RSAD2: variants seen among roughly 807,000 people sequenced by gnomAD.
The protein encoded by RSAD2 is radical S-adenosyl methionine domain containing 2.
RSAD2 carries 38 observed loss-of-function variants against 37.7 expected under a neutral mutation model. The ratio of observed to expected loss-of-function variants is 1.01; its 90% CI spans 0.78 to 1.32. RSAD2 has a LOEUF of 1.32. RSAD2 is among the 40% of genes most tolerant of loss of function. The pLI, the probability that RSAD2 is intolerant of heterozygous loss-of-function variation, is 0.00. For missense variants in RSAD2, 428 were observed against 437.5 expected, an observed-to-expected ratio of 0.98 and a Z score of 0.19; for synonymous variants, 163 against 157.4, an observed-to-expected ratio of 1.04 and a Z score of -0.27.
chr2:6,874,035 C>G (rs1163605779), upstream of RSAD2, among the ~76,000 whole-genome samples: 1 of 152,164 alleles, frequency 6.6e-6, no homozygotes, highest in Non-Finnish European at 1.5e-5. Flanking sequence ...GGAGCAGGTC[C>G]TCATGAATGG....
chr2:6,878,393 T>C (rs938700344), intron 1 of RSAD2, among the ~76,000 whole-genome samples: 1 of 152,200 alleles, frequency 6.6e-6, no homozygotes, highest in Non-Finnish European at 1.5e-5. Context: ...AACCTGTCCC[T>C]CCTGCCATTT....
chr2:6,891,793 T>C (rs1297011056), intron 4 of RSAD2, among the ~76,000 whole-genome samples: 1 of 149,762 alleles, frequency 6.7e-6, no homozygotes. Context: ...AAAAGAATAA[T>C]ACCAAAAAAA....
In RSAD2 at chr2:6,897,658, A is replaced by G. The variant is rs970779562; in HGVS notation, c.*1716A>G. ...TTGTGTCTAAGCTATGATGACCTTC[A>G]TATAATCAGCATAAACATAAAACAA... On this transcript the variant is annotated 3_prime_UTR_variant, in exon 6 of 6. Transcript: ENST00000382040. The G allele has an allele frequency of 8.5e-5, 13 of 152,320 alleles. No homozygotes were observed. The highest frequency in any genetic ancestry group is 2.6e-4 in the Admixed American group (4 of 15,304). 9.4% of individuals were successfully genotyped at this position (152,320 alleles called of 1,614,324 possible). A position where few individuals can be genotyped will look rare whatever the true frequency, so the allele number is the denominator to read the frequency against.
chr2:6,890,208 T>C lies in RSAD2; in HGVS notation c.771T>C (p.Asn257=). The part of the protein sequence containing the change: ...VFQCLLIEGE[N]CGEDALREAE... Reference sequence around the variant, plus strand: ...AGTGCCTCTTAATTGAGGGTGAGAATTGTGGAGAAGATGCTCTAAGAGAAG... The same window carrying C: ...AGTGCCTCTTAATTGAGGGTGAGAACTGTGGAGAAGATGCTCTAAGAGAAG... The change falls in exon 4 of 6, where the codon AAT becomes AAC. Residue 257 remains asparagine (N), a synonymous_variant. Transcript: ENST00000382040. 6.2e-7 allele frequency: 1 copy of C among 1,614,122 alleles called. No individual in the cohort carries two copies. The highest frequency in any genetic ancestry group is 8.5e-7 in the Non-Finnish European group (1 of 1,180,006).
At chr2:6,884,766 A>G (rs1337124937) in intron 2 of RSAD2, among the ~76,000 whole-genome samples, 1 of 152,244 alleles carries the variant, frequency 6.6e-6, no homozygotes, top group Non-Finnish European at 1.5e-5. Context: ...CCATATTCCT[A>G]TAGTGCATGA....
intron 3 of RSAD2, among the ~76,000 whole-genome samples, chr2:6,888,836 A>G (rs1009649629): frequency 2.0e-5 from 3 of 152,140 alleles, no homozygotes; most frequent in African/African-American, 7.2e-5. Flanking sequence ...CTTACATTGC[A>G]CTCAGAACCT....
At chr2:6,891,857 A>G (rs1422624308) in intron 4 of RSAD2, among the ~76,000 whole-genome samples, 1 of 152,214 alleles carries the variant, frequency 6.6e-6, no homozygotes, top group Non-Finnish European at 1.5e-5. Context: ...CTGTAGGTTC[A>G]CAGAATGAAA....
At chr2:6,889,818 T>C (rs1663594654) in intron 3 of RSAD2, among the ~76,000 whole-genome samples, 1 of 152,240 alleles carries the variant, frequency 6.6e-6, no homozygotes, top group African/African-American at 2.4e-5. Context: ...ACAATGTTTT[T>C]AAAATGTGTT....
intron 4 of RSAD2, among the ~76,000 whole-genome samples, chr2:6,891,111 A>G (rs7582107): frequency 6.6e-6 from 1 of 152,142 alleles, no homozygotes; most frequent in Non-Finnish European, 1.5e-5. Context: ...ATAAAGTATT[A>G]TATATAAAGT....
intron 1 of RSAD2, among the ~76,000 whole-genome samples, chr2:6,880,278 G>GA (rs889607244): frequency 4.6e-5 from 7 of 151,908 alleles, no homozygotes; most frequent in African/African-American, 9.7e-5. Context: ...TTATTTTAGA[G>GA]AAAAAAAACC....
At chr2:6,876,441 C>G (rs1180512822), upstream of RSAD2, among the ~76,000 whole-genome samples, 1 of 152,082 alleles carries the variant, frequency 6.6e-6, no homozygotes, top group East Asian at 1.9e-4. Flanking sequence ...CCAAGTTAAC[C>G]CAAAAGAATT....
chr2:6,881,774 G>A lies in RSAD2; in HGVS notation c.347-1597G>A, dbSNP rs941693204. Reference sequence around the variant, plus strand: ...GAATGCAGGCAGGCAAGTGTGTAACGCATAGATCCATCCTTCTAGAATGCA... The same window carrying A: ...GAATGCAGGCAGGCAAGTGTGTAACACATAGATCCATCCTTCTAGAATGCA... On this transcript the variant is annotated intron_variant, in intron 1 of 5. Coordinates refer to ENST00000382040, the MANE Select transcript of RSAD2 (RefSeq NM_080657.5). 4.6e-5 allele frequency among the ~76,000 whole-genome samples: 7 copies of A among 151,750 alleles called. No homozygotes were observed. The South Asian group carries it at 1.3e-3, about 27-fold the overall frequency.
rs1663675800 is a variant in RSAD2 at position 6,893,654 on chromosome 2, T to G, written c.889-17T>G. On this transcript the variant is annotated splice_polypyrimidine_tract_variant and intron_variant, in intron 4 of 5. Coordinates refer to ENST00000382040, the MANE Select transcript of RSAD2 (RefSeq NM_080657.5). ...AATGCACCTGAAACTAAATTTGTATTAACTTCTCCTTTGCAGATGAAAGAC... is the reference window on the plus strand; with the variant it reads ...AATGCACCTGAAACTAAATTTGTATGAACTTCTCCTTTGCAGATGAAAGAC... 2 of 1,601,902 alleles carry G rather than the reference T, an allele frequency of 1.2e-6. No individual in the cohort carries two copies. The highest frequency in any genetic ancestry group is 4.5e-5 in the East Asian group (2 of 44,806).
chr2:6,887,974 A>G (rs1280350587), intron 3 of RSAD2, among the ~76,000 whole-genome samples: 4 of 152,234 alleles, frequency 2.6e-5, no homozygotes, highest in Non-Finnish European at 5.9e-5. Context: ...GTGTGCTACC[A>G]TATCGTGAAA....
In RSAD2 at chr2:6,895,964, T is replaced by C. The variant is rs777404547; in HGVS notation, c.*22T>C. Reference sequence around the variant, plus strand: ...GTAGAGCGGAAAGTGGAACGAGACTTCAACACACCAGTGGGAAAACTCCTA... The same window carrying C: ...GTAGAGCGGAAAGTGGAACGAGACTCCAACACACCAGTGGGAAAACTCCTA... On this transcript the variant is annotated 3_prime_UTR_variant, in exon 6 of 6. Coordinates refer to ENST00000382040, the MANE Select transcript of RSAD2 (RefSeq NM_080657.5). 1.9e-5 allele frequency: 31 copies of C among 1,607,976 alleles called. No homozygotes were observed. In the Admixed American group the frequency reaches 5.2e-4, roughly 27 times the overall value.
rs759920697 is a variant in RSAD2 at position 6,883,353 on chromosome 2, A to T, written c.347-18A>T. On this transcript the variant is annotated intron_variant, in intron 1 of 5. Transcript: ENST00000382040. ...GTATATTTGTGAAGTGGTAAAATTC[A>T]TGTATCACCTTGCACAGGTATGGAG... 6.2e-7 allele frequency: 1 copy of T among 1,610,194 alleles called. No homozygotes were observed. The highest frequency in any genetic ancestry group is 1.1e-5 in the South Asian group (1 of 90,580).
At chr2:6,868,514 G>C (rs1049142331) in intron 1 of RSAD2, among the ~76,000 whole-genome samples, 2 of 152,200 alleles carry the variant, frequency 1.3e-5, no homozygotes, top group African/African-American at 4.8e-5. Flanking sequence ...GCCCAGGATA[G>C]AATGTTGAGT....
intron 2 of RSAD2, among the ~76,000 whole-genome samples, chr2:6,886,510 C>G (rs1200504604): frequency 1.3e-5 from 2 of 152,172 alleles, no homozygotes; most frequent in Non-Finnish European, 2.9e-5. Context: ...AGCAAAAATA[C>G]TAGGGATCTT....
At position 6,883,533 on chromosome 2, in the gene RSAD2, G is replaced by A. The variant is rs200840905; in HGVS notation, c.508+1G>A. ...CGGGAGAGGTGGTTCCAGAATTATG[G>A]TGTGCTCCATGGGATGGCATTCTTC... On this transcript the variant is annotated splice_donor_variant, in intron 2 of 5. Transcript: ENST00000382040. LOFTEE classifies it high-confidence loss of function. The A allele has an allele frequency of 1.2e-6, 2 of 1,614,104 alleles. No homozygotes were observed. The highest frequency in any genetic ancestry group is 2.7e-5 in the African/African-American group (2 of 75,032).
Sources: allele counts gnomAD v4.1 joint callset (sites outside exome capture counted in the v4.1 genomes callset), GRCh38; gene constraint gnomAD v4.1.1; transcripts MANE v1.5; gene names NCBI Gene and HGNC (gene_info 2026-07-23, HGNC 2026-07-21).